The following COL4A5 variants were observed in gnomAD, a reference collection of about 807,000 sequenced individuals.
The protein encoded by COL4A5 is collagen alpha-5(IV) chain.
COL4A5 carries 26 observed loss-of-function variants against 130.2 expected under a neutral mutation model. The ratio of observed to expected loss-of-function variants is 0.20; its 90% CI spans 0.15 to 0.28. The LOEUF (loss-of-function observed/expected upper bound fraction) is 0.28. COL4A5 is among the 10% of genes least tolerant of loss of function. The pLI is 1.00. For synonymous variants in COL4A5, 496 were observed against 439.6 expected (o/e 1.13, Z -1.60); for missense variants, 1,131 against 1,344.3 (o/e 0.84, Z 2.48).
intron 1 of COL4A5, among the ~76,000 whole-genome samples, chrX:108,538,998 G>C (rs1367713885): frequency 9.0e-6 from 1 of 111,498 alleles, no homozygotes; most frequent in African/African-American, 3.3e-5. Flanking sequence ...TATTATTAGT[G>C]ATGAAGGAGT....
chrX:108,668,453 C>T lies in COL4A5; in HGVS notation c.3739C>T (p.Leu1247=). 1 of 1,206,611 alleles carries T rather than the reference C, an allele frequency of 8.3e-7. No homozygotes were observed. Among genetic ancestry groups the T allele is most frequent in the Non-Finnish European group, 1.1e-6 (1 of 893,374 alleles). ...CCCTCCTGGTTCTCCGGGTCCAGCT[C>T]TGGAAGGACCTAAAGGCAACCCTGG... ...PGPPGSPGPA[L]EGPKGNPGPQ... Residue 1247 remains leucine, a synonymous_variant, in exon 41 of 53, where the codon CTG becomes TTG. Coordinates refer to ENST00000328300, the MANE Select transcript of COL4A5 (RefSeq NM_033380.3).
rs185772913 is a variant in COL4A5, at chrX:108,690,019, C to T, written c.4528+2325C>T. ...CTTTTATTTACCTTTCTTTTCCTTA[C>T]GAGACTGGATATTTTCAGCTCTGTC... is the stretch of plus-strand genomic sequence containing the variant. On this transcript the variant is annotated intron_variant, in intron 49 of 52. Coordinates refer to ENST00000328300, the MANE Select transcript of COL4A5 (RefSeq NM_033380.3). 62 of 751,140 alleles carry T rather than the reference C, an allele frequency of 8.3e-5. No individual in the cohort carries two copies. The Admixed American group carries it at 1.1e-3, about 13-fold the overall frequency. The allele number at this position is 751,140 out of a possible 1,213,427, so 61.9% of individuals were successfully genotyped here.
At chrX:108,658,990 A>G (rs1375019661) in intron 37 of COL4A5, among the ~76,000 whole-genome samples, 1 of 111,113 alleles carries the variant, frequency 9.0e-6, no homozygotes, top group Non-Finnish European at 1.9e-5. Flanking sequence ...AGCTTAAATC[A>G]TAGATTTTTC....
chrX:108,610,232 G>T (rs185761092), intron 29 of COL4A5, among the ~76,000 whole-genome samples: 1 of 110,703 alleles, frequency 9.0e-6, no homozygotes, highest in East Asian at 2.8e-4. Context: ...CTTTGATTTG[G>T]AAGGAACCCG....
At chrX:108,689,861 T>G in intron 49 of COL4A5, 4 of 753,952 alleles carry the variant, frequency 5.3e-6, no homozygotes, top group Non-Finnish European at 6.3e-6. Context: ...CTATGGGGTA[T>G]AGAGGGCATT....
chrX:108,604,555 A>T (rs1327275659), intron 28 of COL4A5, among the ~76,000 whole-genome samples: 1 of 112,219 alleles, frequency 8.9e-6, no homozygotes, highest in Admixed American at 9.4e-5. Context: ...CAGAGTAGAT[A>T]TACCATAATT....
chrX:108,469,318 T>A (rs961729461), intron 1 of COL4A5, among the ~76,000 whole-genome samples: 4 of 109,373 alleles, frequency 3.7e-5, no homozygotes, highest in African/African-American at 1.3e-4. Flanking sequence ...TTTTAATTTT[T>A]ATTTTTTGCA....
intron 25 of COL4A5, among the ~76,000 whole-genome samples, chrX:108,599,457 A>G (rs778806741): frequency 1.9e-5 from 2 of 106,564 alleles, no homozygotes; most frequent in Admixed American, 1.0e-4. Flanking sequence ...ATGTATGTTT[A>G]TGTGTGTGTG....
intron 41 of COL4A5, among the ~76,000 whole-genome samples, chrX:108,668,999 A>G (rs906906353): frequency 3.6e-5 from 4 of 111,901 alleles, no homozygotes; most frequent in Non-Finnish European, 5.6e-5. Context: ...ATTATCTTCT[A>G]TAGGAACTGG....
chrX:108,499,276 A>T (rs1480744348), intron 1 of COL4A5, among the ~76,000 whole-genome samples: 5 of 111,494 alleles, frequency 4.5e-5, no homozygotes, highest in Admixed American at 1.9e-4. Flanking sequence ...TTATTTGTTG[A>T]TTTTTATTGT....
chrX:108,477,287 A>C (rs1397284937), intron 1 of COL4A5, among the ~76,000 whole-genome samples: 3 of 111,729 alleles, frequency 2.7e-5, no homozygotes, highest in Non-Finnish European at 5.6e-5. Flanking sequence ...GGGATCATAC[A>C]TAATCTTCAA....
intron 19 of COL4A5, 63 bp downstream of exon 19, chrX:108,586,810 T>C: frequency 9.0e-7 from 1 of 1,116,739 alleles, no homozygotes; most frequent in Non-Finnish European, 1.2e-6. Flanking sequence ...TGTATACTTT[T>C]TATCACATTA....
intron 47 of COL4A5, among the ~76,000 whole-genome samples, chrX:108,684,651 C>T (rs1274692700): frequency 8.9e-6 from 1 of 112,700 alleles, no homozygotes; most frequent in South Asian, 3.6e-4. Flanking sequence ...CAGACGGCTT[C>T]ACAGCCAAAT....
chrX:108,606,971 T>G, intron 29 of COL4A5, 79 bp downstream of exon 29: 2 of 1,014,140 alleles, frequency 2.0e-6, no homozygotes, highest in South Asian at 3.8e-5. Context: ...TTATGGGTGA[T>G]AAGCCCAATT....
chrX:108,548,588 C>T (rs1255517851), intron 2 of COL4A5, among the ~76,000 whole-genome samples: 2 of 111,231 alleles, frequency 1.8e-5, no homozygotes, highest in Non-Finnish European at 3.8e-5. Flanking sequence ...AAGAATTCTC[C>T]ACACTTGGTG....
At position 108,624,232 on chromosome X, in the gene COL4A5, G is replaced by A. The variant is rs1028433652; in HGVS notation, c.2918-4G>A. The A allele has an allele frequency of 1.7e-6, 2 of 1,202,399 alleles. No individual in the cohort carries two copies. Among genetic ancestry groups the A allele is most frequent in the South Asian group, 3.5e-5 (2 of 56,399 alleles). On this transcript the variant is annotated splice_polypyrimidine_tract_variant and splice_region_variant and intron_variant, in intron 33 of 52. Coordinates refer to ENST00000328300, the MANE Select transcript of COL4A5 (RefSeq NM_033380.3). ...AACTTGCCTCTTCTACTCATTCTTG[G>A]AAGGTATACCTGGAGTTTCAGGGCC...
At chrX:108,454,953 A>C (rs1029678569) in intron 1 of COL4A5, among the ~76,000 whole-genome samples, 3 of 111,853 alleles carry the variant, frequency 2.7e-5, no homozygotes, top group African/African-American at 9.7e-5. Context: ...TATAATTGAC[A>C]TACAATAAAA....
At chrX:108,473,517 C>T (rs1309461581) in intron 1 of COL4A5, among the ~76,000 whole-genome samples, 1 of 94,014 alleles carries the variant, frequency 1.1e-5, no homozygotes, top group Non-Finnish European at 2.1e-5. Flanking sequence ...TAGTTTTTAA[C>T]AAAAAGTTTT....
intron 30 of COL4A5, among the ~76,000 whole-genome samples, chrX:108,618,640 A>T (rs1360753413): frequency 9.0e-6 from 1 of 111,580 alleles, no homozygotes; most frequent in African/African-American, 3.2e-5. Context: ...CTCATTTCTA[A>T]TATATGATAG....
Sources: allele counts gnomAD v4.1 joint callset (sites outside exome capture counted in the v4.1 genomes callset), GRCh38; gene constraint gnomAD v4.1.1; transcripts MANE v1.5; gene names NCBI Gene and HGNC (gene_info 2026-07-23, HGNC 2026-07-21).